ZBTB20: variants seen among roughly 807,000 people sequenced by gnomAD.
The protein encoded by ZBTB20 is zinc finger and BTB domain containing 20.
Under a neutral mutation model 56.9 loss-of-function variants are expected in ZBTB20, and 9 were observed. The ratio of observed to expected loss-of-function variants is 0.16; its 90% CI spans 0.10 to 0.28. The LOEUF (loss-of-function observed/expected upper bound fraction) is 0.28. ZBTB20 is among the 10% of genes least tolerant of loss of function. ZBTB20 has a pLI of 1.00. For missense variants in ZBTB20, 655 were observed against 1,003.0 expected (o/e 0.65, Z 4.69); for synonymous variants, 417 against 420.7 (o/e 0.99, Z 0.11).
At chr3:114,654,714 C>G (rs2060303597) in intron 6 of ZBTB20, among the ~76,000 whole-genome samples, 1 of 152,080 alleles carries the variant, frequency 6.6e-6, no homozygotes, top group South Asian at 2.1e-4. Flanking sequence ...TTTTTAATTT[C>G]TTGTGTATTC....
chr3:114,317,101 CA>C lies in ZBTB20; in HGVS notation c.*21903del, dbSNP rs1238887237. 1 of 153,924 alleles carries C rather than the reference CA, an allele frequency of 6.5e-6. No homozygotes were observed. The highest frequency in any genetic ancestry group is 1.4e-5 in the Non-Finnish European group (1 of 69,034). 9.5% of individuals were successfully genotyped at this position (153,924 alleles called of 1,614,324 possible). ...TGCTCAAACATCACCCATATGTCCC[CA>C]CGCCTAAGGCTGACTTCTGTGTCAG... is the stretch of plus-strand genomic sequence containing the variant. On this transcript the variant is annotated 3_prime_UTR_variant, in exon 12 of 12. Transcript: ENST00000675478.
intron 4 of ZBTB20, among the ~76,000 whole-genome samples, chr3:114,859,314 T>C (rs545221353): frequency 1.3e-5 from 2 of 149,416 alleles, no homozygotes; most frequent in South Asian, 4.3e-4. Flanking sequence ...CTTCCTTCCT[T>C]CTTGCCTTCC....
At chr3:114,615,819 T>C (rs1233907911) in intron 6 of ZBTB20, among the ~76,000 whole-genome samples, 1 of 152,216 alleles carries the variant, frequency 6.6e-6, no homozygotes, top group Non-Finnish European at 1.5e-5. Context: ...CGATTAGGAC[T>C]AGGCAGTAAT....
At chr3:114,706,719 C>T (rs2063738964) in intron 5 of ZBTB20, among the ~76,000 whole-genome samples, 1 of 152,036 alleles carries the variant, frequency 6.6e-6, no homozygotes, top group Non-Finnish European at 1.5e-5. Context: ...CCACACTTTC[C>T]CCAAAGCTCT....
chr3:114,816,997 G>A (rs868014872), intron 4 of ZBTB20, among the ~76,000 whole-genome samples: 1 of 152,060 alleles, frequency 6.6e-6, no homozygotes, highest in Non-Finnish European at 1.5e-5. Context: ...TATTATTTAA[G>A]CTGCAAGTGA....
At chr3:114,984,521 A>G (rs539748289) in intron 2 of ZBTB20, among the ~76,000 whole-genome samples, 22 of 152,006 alleles carry the variant, frequency 1.4e-4, no homozygotes, top group Non-Finnish European at 2.9e-4. Flanking sequence ...GTGACATTCC[A>G]AATAAGCTTC....
At chr3:114,566,007 T>TTTTTTCC (rs2052690764) in intron 6 of ZBTB20, among the ~76,000 whole-genome samples, 1 of 146,448 alleles carries the variant, frequency 6.8e-6, no homozygotes, top group Non-Finnish European at 1.5e-5. Context: ...ATTTTTTCTT[T>TTTTTTCC]TTTTTTCTTT....
At chr3:114,775,599 G>C (rs1052183277) in intron 5 of ZBTB20, among the ~76,000 whole-genome samples, 2 of 151,388 alleles carry the variant, frequency 1.3e-5, no homozygotes, top group Non-Finnish European at 2.9e-5. Flanking sequence ...GCTCTGAGGA[G>C]CACCCTGAGG....
At chr3:114,387,555 T>G (rs565910581) in intron 8 of ZBTB20, 32 of 152,318 alleles carry the variant, frequency 2.1e-4, no homozygotes, top group African/African-American at 7.5e-4. Context: ...TAGGTCTGGA[T>G]CTGGGTTCTC....
chr3:115,043,602 A>C (rs2081229023), intron 2 of ZBTB20, among the ~76,000 whole-genome samples: 1 of 146,626 alleles, frequency 6.8e-6, no homozygotes, highest in Non-Finnish European at 1.5e-5. Context: ...AAAATAAAAT[A>C]AAATAAAATA....
At chr3:114,594,427 G>A (rs549453701) in intron 6 of ZBTB20, among the ~76,000 whole-genome samples, 62 of 151,908 alleles carry the variant, frequency 4.1e-4, no homozygotes, top group Non-Finnish European at 7.1e-4. Context: ...TCACTACACC[G>A]GGCTAATTTT....
At chr3:114,717,388 G>A (rs1040320285) in intron 5 of ZBTB20, among the ~76,000 whole-genome samples, 3 of 152,052 alleles carry the variant, frequency 2.0e-5, no homozygotes, top group East Asian at 3.9e-4. Context: ...ATTACCAGTA[G>A]CTAGTAGAAC....
intron 3 of ZBTB20, among the ~76,000 whole-genome samples, chr3:114,918,836 G>A (rs2075844026): frequency 6.6e-6 from 1 of 152,196 alleles, no homozygotes; most frequent in African/African-American, 2.4e-5. Flanking sequence ...TGTCAGAGGA[G>A]GGGTGGCAGA....
At chr3:114,928,158 C>T (rs537166895) in intron 3 of ZBTB20, among the ~76,000 whole-genome samples, 1 of 152,204 alleles carries the variant, frequency 6.6e-6, no homozygotes, top group Non-Finnish European at 1.5e-5. Context: ...TTTATCCCTT[C>T]GTTTCATGCA....
chr3:114,349,464 G>A (rs1032209068), intron 11 of ZBTB20, among the ~76,000 whole-genome samples: 10 of 152,148 alleles, frequency 6.6e-5, no homozygotes, highest in Admixed American at 5.2e-4. Flanking sequence ...CCATCTTGAT[G>A]ACTGAATCCT....
intron 1 of ZBTB20, among the ~76,000 whole-genome samples, chr3:115,076,946 G>A (rs376648857): frequency 2.0e-5 from 3 of 152,078 alleles, no homozygotes; most frequent in African/African-American, 7.2e-5. Flanking sequence ...TGCACAGTTC[G>A]CAATAGGGTT....
chr3:114,422,126 G>A lies in ZBTB20; in HGVS notation c.-254-33021C>T, dbSNP rs572282572. Among the ~76,000 whole-genome samples, 5 of 152,158 alleles carry A rather than the reference G, an allele frequency of 3.3e-5. 1 individual carries two copies. In the South Asian group the frequency reaches 6.2e-4, roughly 19 times the overall value. On this transcript the variant is annotated intron_variant, in intron 7 of 11. Coordinates refer to ENST00000675478, the MANE Select transcript of ZBTB20 (RefSeq NM_001348800.3). Reference sequence around the variant, plus strand: ...TAAATCAGCTCTTCTGTCTCACTACGGCATGATAGAGGGTAAAATGAAGAG... The same window carrying A: ...TAAATCAGCTCTTCTGTCTCACTACAGCATGATAGAGGGTAAAATGAAGAG...
At chr3:114,595,077 T>C (rs2056193330) in intron 6 of ZBTB20, among the ~76,000 whole-genome samples, 1 of 152,224 alleles carries the variant, frequency 6.6e-6, no homozygotes, top group Admixed American at 6.5e-5. Flanking sequence ...TAAAAAACTT[T>C]GGGGTCAGCC....
intron 2 of ZBTB20, among the ~76,000 whole-genome samples, chr3:115,018,494 G>A (rs1216820493): frequency 6.6e-6 from 1 of 151,336 alleles, no homozygotes; most frequent in Non-Finnish European, 1.5e-5. Flanking sequence ...CACATAAAGT[G>A]GCAATGGGGC....
Sources: allele counts gnomAD v4.1 joint callset (sites outside exome capture counted in the v4.1 genomes callset), GRCh38; gene constraint gnomAD v4.1.1; transcripts MANE v1.5; gene names NCBI Gene and HGNC (gene_info 2026-07-23, HGNC 2026-07-21).